NRG1: variants seen among roughly 807,000 people sequenced by gnomAD.
NRG1 encodes pro-neuregulin-1, membrane-bound isoform.
Under a neutral mutation model 63.8 loss-of-function variants are expected in NRG1, and 18 were observed. The ratio of observed to expected loss-of-function variants is 0.28; its 90% CI spans 0.19 to 0.42. The LOEUF (loss-of-function observed/expected upper bound fraction) is 0.42. NRG1 is among the 10% of genes least tolerant of loss of function. NRG1 has a pLI of 1.00. For synonymous variants in NRG1, 302 were observed against 301.3 expected (o/e 1.00, Z -0.02); for missense variants, 762 against 814.7 (o/e 0.94, Z 0.79).
chr8:32,498,105 G>T (rs10808326), intron 1 of NRG1, among the ~76,000 whole-genome samples: 7 of 152,120 alleles, frequency 4.6e-5, no homozygotes, highest in African/African-American at 1.7e-4. Context: ...TTACAGGTGT[G>T]AGCCACTGTG....
intron 1 of NRG1, among the ~76,000 whole-genome samples, chr8:31,773,806 A>C (rs1205590659): frequency 6.6e-6 from 1 of 152,126 alleles, no homozygotes; most frequent in East Asian, 1.9e-4. Flanking sequence ...CCAGCTGATA[A>C]AAGTTACCTT....
At position 31,742,455 on chromosome 8, in the gene NRG1, A is replaced by ATTTTTTTTTTTTTTTTTTTTTTT. The variant is rs36040084; in HGVS notation, c.37+103028_37+103050dup. Among the ~76,000 whole-genome samples the ATTTTTTTTTTTTTTTTTTTTTTT allele has an allele frequency of 5.0e-5, 4 of 80,024 alleles. 1 individual carries two copies. The highest frequency in any genetic ancestry group is 2.3e-5 in the Non-Finnish European group (1 of 43,022). The allele number at this position is 80,024 out of a possible 152,430, so 52.5% of individuals were successfully genotyped here. A position where few individuals can be genotyped will look rare whatever the true frequency, so the allele number is the denominator to read the frequency against. On this transcript the variant is annotated intron_variant, in intron 1 of 10. Transcript: ENST00000519301. ...GCAACGACAGACAACTTTTTTAAGA[A>ATTTTTTTTTTTTTTTTTTTTTTT]TTTTTTTTTTTTTTTTTTTTTTTTT... is the stretch of plus-strand genomic sequence containing the variant.
intron 1 of NRG1, among the ~76,000 whole-genome samples, chr8:32,402,400 T>C (rs1813326302): frequency 6.6e-6 from 1 of 152,110 alleles, no homozygotes; most frequent in African/African-American, 2.4e-5. Flanking sequence ...TTATCCACAG[T>C]CTAAAAATAT....
chr8:32,387,411 A>G (rs948060831), intron 1 of NRG1, among the ~76,000 whole-genome samples: 3 of 152,176 alleles, frequency 2.0e-5, no homozygotes, highest in African/African-American at 7.2e-5. Flanking sequence ...AGCCCACAAA[A>G]AAGATGAAGT....
intron 1 of NRG1, among the ~76,000 whole-genome samples, chr8:32,566,483 C>G (rs1425248254): frequency 6.6e-6 from 1 of 152,080 alleles, no homozygotes; most frequent in Non-Finnish European, 1.5e-5. Context: ...CTAAGACTCC[C>G]CACTTCAGGA....
At chr8:32,590,189 T>C (rs1295624108) in intron 1 of NRG1, among the ~76,000 whole-genome samples, 1 of 152,216 alleles carries the variant, frequency 6.6e-6, no homozygotes. Context: ...GCATGTCTGT[T>C]TTAAAAGGCT....
intron 1 of NRG1, among the ~76,000 whole-genome samples, chr8:31,837,329 C>T (rs1382112325): frequency 6.6e-6 from 1 of 151,914 alleles, no homozygotes; most frequent in South Asian, 2.1e-4. Flanking sequence ...CTTCCTCATT[C>T]TGAGAGTATA....
At chr8:31,997,915 A>G (rs1199864262) in intron 1 of NRG1, among the ~76,000 whole-genome samples, 2 of 152,062 alleles carry the variant, frequency 1.3e-5, no homozygotes, top group East Asian at 3.9e-4. Context: ...CTTGCTCAGG[A>G]AGGCATAGCC....
rs140941133 is a variant in NRG1 at position 32,147,593 on chromosome 8, A to C, written c.38-448235A>C. ...ACCTGTATATTATCCCTATCCCCTA[A>C]TTTTCATCATCTCTCATATCTAATC... is the stretch of plus-strand genomic sequence containing the variant. On this transcript the variant is annotated intron_variant, in intron 1 of 10. Coordinates refer to the NRG1 transcript ENST00000519301. 9.6e-4 allele frequency among the ~76,000 whole-genome samples: 146 copies of C among 152,162 alleles called. 1 individual carries two copies. Among genetic ancestry groups the C allele is most frequent in the Non-Finnish European group, 1.6e-3 (107 of 67,984 alleles).
chr8:32,366,164 T>C (rs570124244), intron 1 of NRG1, among the ~76,000 whole-genome samples: 1 of 152,306 alleles, frequency 6.6e-6, no homozygotes, highest in South Asian at 2.1e-4. Context: ...TTTTTAGATA[T>C]CCTTCACCTT....
chr8:32,691,989 C>CAT (rs892268499), intron 5 of NRG1, among the ~76,000 whole-genome samples: 3 of 152,100 alleles, frequency 2.0e-5, no homozygotes, highest in Admixed American at 6.5e-5. Context: ...GAACATCCAC[C>CAT]ATATATATAA....
chr8:32,731,831 G>A (rs975815994), intron 6 of NRG1, among the ~76,000 whole-genome samples: 5 of 152,094 alleles, frequency 3.3e-5, no homozygotes, highest in African/African-American at 1.2e-4. Context: ...GTTTCCATAT[G>A]GTCTATCTGT....
At chr8:32,755,075 G>A (rs1252616116) in intron 8 of NRG1, among the ~76,000 whole-genome samples, 3 of 152,106 alleles carry the variant, frequency 2.0e-5, no homozygotes, top group Non-Finnish European at 4.4e-5. Context: ...CAGTATGAAT[G>A]CTCTCACAGC....
intron 1 of NRG1, among the ~76,000 whole-genome samples, chr8:32,332,513 A>C (rs1268259577): frequency 6.6e-6 from 1 of 152,140 alleles, no homozygotes; most frequent in African/African-American, 2.4e-5. Flanking sequence ...ACACCATTAC[A>C]ATGCATTATT....
At chr8:31,786,694 C>G (rs1820206734) in intron 1 of NRG1, among the ~76,000 whole-genome samples, 1 of 152,130 alleles carries the variant, frequency 6.6e-6, no homozygotes, top group African/African-American at 2.4e-5. Flanking sequence ...CTTACATTTA[C>G]CATTTACCAG....
intron 1 of NRG1, among the ~76,000 whole-genome samples, chr8:31,673,517 C>T (rs993966089): frequency 1.3e-5 from 2 of 152,136 alleles, no homozygotes; most frequent in African/African-American, 4.8e-5. Context: ...AAATCAGATG[C>T]CCTGTACTTG....
At chr8:32,541,784 T>C (rs1832599830) in intron 1 of NRG1, among the ~76,000 whole-genome samples, 1 of 152,152 alleles carries the variant, frequency 6.6e-6, no homozygotes, top group African/African-American at 2.4e-5. Flanking sequence ...GCCAAGTATG[T>C]ATGGAGAAAT....
chr8:32,305,791 G>T (rs561197957), intron 1 of NRG1, among the ~76,000 whole-genome samples: 1 of 152,256 alleles, frequency 6.6e-6, no homozygotes, highest in African/African-American at 2.4e-5. Flanking sequence ...TTTGTAGTTA[G>T]TAAATAAGAC....
At chr8:32,325,081 A>G (rs562542175) in intron 1 of NRG1, among the ~76,000 whole-genome samples, 39 of 152,342 alleles carry the variant, frequency 2.6e-4, no homozygotes, top group South Asian at 2.1e-4. Flanking sequence ...ATCCATATCA[A>G]TTATCCTTAT....
Sources: allele counts gnomAD v4.1 joint callset (sites outside exome capture counted in the v4.1 genomes callset), GRCh38; gene constraint gnomAD v4.1.1; transcripts MANE v1.5; gene names NCBI Gene and HGNC (gene_info 2026-07-23, HGNC 2026-07-21).